Variants in CHMP1B observed in about 807,000 individuals in gnomAD.
CHMP1B encodes the protein charged multivesicular body protein 1B.
In CHMP1B, 5 loss-of-function variants were observed where a neutral mutation model predicts 11.5. The ratio of observed to expected loss-of-function variants is 0.43; its 90% confidence interval spans 0.23 to 0.91. The LOEUF is 0.91. Ranked by LOEUF, CHMP1B falls within the 40% of genes least tolerant of loss-of-function variation. CHMP1B has a pLI of 0.25. For synonymous variants in CHMP1B, 105 were observed against 105.7 expected (o/e 0.99, Z 0.04); for missense variants, 246 against 261.2 (o/e 0.94, Z 0.40).
At position 11,851,958 on chromosome 18, in the gene CHMP1B, G is replaced by A. The variant is rs777437772; in HGVS notation, c.447G>A (p.Val149=). The change falls in exon 1 of 1, where the codon GTG becomes GTA. Residue 149 remains valine, a synonymous_variant. Coordinates refer to ENST00000526991, the MANE Select transcript of CHMP1B (RefSeq NM_020412.5). Reference sequence around the variant, plus strand: ...CGCTCACCACTCCCCAGAACCAAGTGGATATGCTGCTCCAGGAAATGGCAG... The same window carrying A: ...CGCTCACCACTCCCCAGAACCAAGTAGATATGCTGCTCCAGGAAATGGCAG... ...TTTLTTPQNQ[V]DMLLQEMADE... The A allele has an allele frequency of 1.4e-5, 22 of 1,613,952 alleles. No individual in the cohort carries two copies. In the South Asian group the frequency reaches 2.1e-4, roughly 15 times the overall value.
At position 11,854,278 on chromosome 18, in the gene CHMP1B, C is replaced by G. The variant is rs1293283862; in HGVS notation, c.*2167C>G. ...TAAACAATGCTTGTATATGCTTGAACTTTCTTAAAATATGTCCATGTCATA... is the reference window on the plus strand; with the variant it reads ...TAAACAATGCTTGTATATGCTTGAAGTTTCTTAAAATATGTCCATGTCATA... On this transcript the variant is annotated 3_prime_UTR_variant, in exon 1 of 1. Coordinates refer to ENST00000526991, the MANE Select transcript of CHMP1B (RefSeq NM_020412.5). 1 of 167,052 alleles carries G rather than the reference C, an allele frequency of 6.0e-6. No individual in the cohort carries two copies. The highest frequency in any genetic ancestry group is 1.5e-5 in the Non-Finnish European group (1 of 68,112). 10.3% of individuals were successfully genotyped at this position (167,052 alleles called of 1,614,324 possible). A position where few individuals can be genotyped will look rare whatever the true frequency, so the allele number is the denominator to read the frequency against.
chr18:11,851,866 G>A lies in CHMP1B; in HGVS notation c.355G>A (p.Glu119Lys), dbSNP rs776188158. Residue 119 changes from glutamate to lysine, a missense_variant, in exon 1 of 1, where the codon GAG becomes AAG. Glu to Lys is a moderately conservative substitution (Grantham distance 56). Coordinates refer to ENST00000526991, the MANE Select transcript of CHMP1B (RefSeq NM_020412.5). ...EKISALMDKF[E>K]HQFETLDVQT... ...GATTTCTGCTTTGATGGACAAATTCGAGCACCAGTTTGAGACTCTGGACGT... is the reference window on the plus strand; with the variant it reads ...GATTTCTGCTTTGATGGACAAATTCAAGCACCAGTTTGAGACTCTGGACGT... 1.2e-6 allele frequency: 2 copies of A among 1,613,924 alleles called. No homozygotes were observed. The highest frequency in any genetic ancestry group is 1.7e-6 in the Non-Finnish European group (2 of 1,179,892).
rs2035922775 is a variant in CHMP1B, at chr18:11,853,218, A to G, written c.*1107A>G. The stretch of plus-strand genomic sequence containing the variant: ...CTGGAATGTTTTACTTAGCCATGCA[A>G]GTCATTTATGTATACATCCAGCCAG... On this transcript the variant is annotated 3_prime_UTR_variant, in exon 1 of 1. Coordinates refer to ENST00000526991, the MANE Select transcript of CHMP1B (RefSeq NM_020412.5). The G allele has an allele frequency of 1.8e-5, 3 of 167,146 alleles. No individual in the cohort carries two copies. The South Asian group carries it at 6.2e-4, about 35-fold the overall frequency. The allele number at this position is 167,146 out of a possible 1,614,324, so 10.4% of individuals were successfully genotyped here.
rs985242164 is a variant in CHMP1B at position 11,852,983 on chromosome 18, A to G, written c.*872A>G. 2.4e-5 allele frequency: 4 copies of G among 167,108 alleles called. No individual in the cohort carries two copies. Among genetic ancestry groups the G allele is most frequent in the Non-Finnish European group, 5.9e-5 (4 of 68,130 alleles). The allele number at this position is 167,108 out of a possible 1,614,324, so 10.4% of individuals were successfully genotyped here. ...ATTAGAAGTCTTATAAATTATGCTA[A>G]TTAGCATGGCAGTCATGTTACACAC... On this transcript the variant is annotated 3_prime_UTR_variant, in exon 1 of 1. Transcript: ENST00000526991.
chr18:11,851,667 C>T lies in CHMP1B; in HGVS notation c.156C>T (p.Ala52=). The change falls in exon 1 of 1, where the codon GCC becomes GCT. Residue 52 remains alanine (A), a synonymous_variant. Transcript: ENST00000526991. ...ACATGGAAGTTGCGAGGATACACGC[C>T]GAAAATGCCATCCGCCAGAAGAACC... ...KGNMEVARIH[A]ENAIRQKNQA... is the part of the protein sequence containing the mutation. The T allele has an allele frequency of 6.2e-7, 1 of 1,613,948 alleles. No homozygotes were observed.
At position 11,851,601 on chromosome 18, in the gene CHMP1B, G is replaced by C. The variant is rs1298225930; in HGVS notation, c.90G>C (p.Lys30Asn). 6 of 1,613,484 alleles carry C rather than the reference G, an allele frequency of 3.7e-6. No homozygotes were observed. Among genetic ancestry groups the C allele is most frequent in the Non-Finnish European group, 5.1e-6 (6 of 1,179,680 alleles). ...RSAKKCDKEE[K>N]AEKAKIKKAI... ...CCAAAAAATGCGATAAGGAGGAAAA[G>C]GCCGAAAAGGCCAAAATTAAAAAGG... Residue 30 changes from lysine (K) to asparagine (N), a missense_variant, in exon 1 of 1, where the codon AAG becomes AAC. Physicochemically the swap from Lys to Asn is moderately conservative, Grantham distance 94 (BLOSUM62 0). Coordinates refer to ENST00000526991, the MANE Select transcript of CHMP1B (RefSeq NM_020412.5).
In CHMP1B at chr18:11,851,903, A is replaced by G. The variant is rs769482223; in HGVS notation, c.392A>G (p.Gln131Arg). The G allele has an allele frequency of 6.2e-7, 1 of 1,613,914 alleles. No individual in the cohort carries two copies. Among genetic ancestry groups the G allele is most frequent in the Non-Finnish European group, 8.5e-7 (1 of 1,179,888 alleles). ...GAGACTCTGGACGTCCAGACGCAGC[A>G]AATGGAAGACACGATGAGCAGCACG... ...QFETLDVQTQQMEDTMSSTTT... is the reference protein window; with the variant it reads ...QFETLDVQTQRMEDTMSSTTT... The change falls in exon 1 of 1, where the codon CAA (glutamine) becomes CGA (arginine). Residue 131 changes from glutamine to arginine, a missense_variant. Physicochemically the swap from Gln to Arg is conservative, Grantham distance 43 (BLOSUM62 1). Coordinates refer to ENST00000526991, the MANE Select transcript of CHMP1B (RefSeq NM_020412.5).
chr18:11,852,088 G>A lies in CHMP1B; in HGVS notation c.577G>A (p.Ala193Thr). ...AEQDELSQRL[A>T]RLRDQV ...GCAGGATGAACTGTCTCAGAGACTG[G>A]CCCGCCTTCGGGATCAAGTGTGACG... The change falls in exon 1 of 1, where the codon GCC becomes ACC. Residue 193 changes from alanine (A) to threonine (T), a missense_variant. Coordinates refer to ENST00000526991, the MANE Select transcript of CHMP1B (RefSeq NM_020412.5). 6.2e-7 allele frequency: 1 copy of A among 1,605,472 alleles called. No homozygotes were observed.
In CHMP1B at chr18:11,851,600, A is replaced by C; in HGVS notation, c.89A>C (p.Lys30Thr). The change falls in exon 1 of 1, where the codon AAG (lysine) becomes ACG (threonine). Residue 30 changes from lysine (K) to threonine (T), a missense_variant. Coordinates refer to ENST00000526991, the MANE Select transcript of CHMP1B (RefSeq NM_020412.5). ...GCCAAAAAATGCGATAAGGAGGAAA[A>C]GGCCGAAAAGGCCAAAATTAAAAAG... ...RSAKKCDKEE[K>T]AEKAKIKKAI... 6.2e-7 allele frequency: 1 copy of C among 1,613,478 alleles called. No homozygotes were observed. Among genetic ancestry groups the C allele is most frequent in the South Asian group, 1.1e-5 (1 of 91,042 alleles).
At position 11,852,000 on chromosome 18, in the gene CHMP1B, C is replaced by G; in HGVS notation, c.489C>G (p.Asp163Glu). The G allele has an allele frequency of 3.7e-6, 6 of 1,613,652 alleles. No individual in the cohort carries two copies. Among genetic ancestry groups the G allele is most frequent in the Non-Finnish European group, 5.1e-6 (6 of 1,179,840 alleles). ...LQEMADEAGL[D>E]LNMELPQGQT... The stretch of plus-strand genomic sequence containing the variant: ...AAATGGCAGATGAGGCGGGCCTCGA[C>G]CTCAACATGGAGCTGCCGCAGGGCC... The change falls in exon 1 of 1, where the codon GAC (aspartate) becomes GAG (glutamate). Residue 163 changes from aspartate to glutamate, a missense_variant. Transcript: ENST00000526991.
At position 11,851,457 on chromosome 18, in the gene CHMP1B, T is replaced by C; in HGVS notation, c.-55T>C. 6.8e-7 allele frequency: 1 copy of C among 1,475,414 alleles called. No homozygotes were observed. Among genetic ancestry groups the C allele is most frequent in the Non-Finnish European group, 8.9e-7 (1 of 1,119,134 alleles). The allele number at this position is 1,475,414 out of a possible 1,614,324, so 91.4% of individuals were successfully genotyped here. On this transcript the variant is annotated 5_prime_UTR_variant, in exon 1 of 1. Transcript: ENST00000526991. ...CCGGGAGCGGACTTACCTTACCTTC[T>C]CTGCCTTCGGCGCGCTTCTCAGCCG...
chr18:11,853,261 A>G lies in CHMP1B; in HGVS notation c.*1150A>G, dbSNP rs1312462928. The G allele has an allele frequency of 6.0e-6, 1 of 167,154 alleles. No homozygotes were observed. The highest frequency in any genetic ancestry group is 1.9e-4 in the East Asian group (1 of 5,208). 10.4% of individuals were successfully genotyped at this position (167,154 alleles called of 1,614,324 possible). On this transcript the variant is annotated 3_prime_UTR_variant, in exon 1 of 1. Coordinates refer to ENST00000526991, the MANE Select transcript of CHMP1B (RefSeq NM_020412.5). ...CCAGCCAGCTGGAAATCTGAGAAGT[A>G]AAGAGGTAGGACTGGAAGGAAGGAG...
At position 11,853,857 on chromosome 18, in the gene CHMP1B, C is replaced by G. The variant is rs1270949278; in HGVS notation, c.*1746C>G. ...TTTATTTTTGAGACAGAGTCTCGCT[C>G]TGTTGCCCAGGCTGGAGTGCTGTGG... On this transcript the variant is annotated 3_prime_UTR_variant, in exon 1 of 1. Coordinates refer to ENST00000526991, the MANE Select transcript of CHMP1B (RefSeq NM_020412.5). 1 of 167,104 alleles carries G rather than the reference C, an allele frequency of 6.0e-6. No homozygotes were observed. The highest frequency in any genetic ancestry group is 1.5e-5 in the Non-Finnish European group (1 of 68,228). The allele number at this position is 167,104 out of a possible 1,614,324, so 10.4% of individuals were successfully genotyped here.
chr18:11,852,275 T>A lies in CHMP1B; in HGVS notation c.*164T>A. ...CCTCCACATAAATTAAGAAATTCAG[T>A]ATTTCTGCACTCTTAGCTGGATTCT... On this transcript the variant is annotated 3_prime_UTR_variant, in exon 1 of 1. Coordinates refer to ENST00000526991, the MANE Select transcript of CHMP1B (RefSeq NM_020412.5). 2.5e-6 allele frequency: 2 copies of A among 813,288 alleles called. No individual in the cohort carries two copies. Among genetic ancestry groups the A allele is most frequent in the Non-Finnish European group, 3.8e-6 (2 of 522,964 alleles). 50.4% of individuals were successfully genotyped at this position (813,288 alleles called of 1,614,324 possible).
rs1338330459 is a variant in CHMP1B at position 11,851,571 on chromosome 18, G to A, written c.60G>A (p.Arg20=). The A allele has an allele frequency of 6.2e-7, 1 of 1,612,442 alleles. No homozygotes were observed. Among genetic ancestry groups the A allele is most frequent in the African/African-American group, 1.3e-5 (1 of 74,996 alleles). ...AGTTCGCGGCCAAAGAACTGAGTAG[G>A]AGTGCCAAAAAATGCGATAAGGAGG... ...NLKFAAKELS[R]SAKKCDKEEK... is the part of the protein sequence containing the mutation. Residue 20 remains arginine, a synonymous_variant, in exon 1 of 1, where the codon AGG becomes AGA. Transcript: ENST00000526991.
In CHMP1B at chr18:11,852,073, C is replaced by G. The variant is rs1296713863; in HGVS notation, c.562C>G (p.Leu188Val). ...CGTGGCTTCGGCGGAGCAGGATGAA[C>G]TGTCTCAGAGACTGGCCCGCCTTCG... ...TSVASAEQDELSQRLARLRDQ... is the reference protein window; with the variant it reads ...TSVASAEQDEVSQRLARLRDQ... Residue 188 changes from leucine to valine, a missense_variant, in exon 1 of 1, where the codon CTG becomes GTG. Transcript: ENST00000526991. 6.2e-7 allele frequency: 1 copy of G among 1,612,200 alleles called. No individual in the cohort carries two copies. The highest frequency in any genetic ancestry group is 1.3e-5 in the African/African-American group (1 of 75,026).
Position 11,851,721 on chromosome 18 carries a change from G to C in CHMP1B, c.210G>C (p.Ala70=), listed in dbSNP as rs2035874067. The change falls in exon 1 of 1, where the codon GCG becomes GCC. Residue 70 remains alanine (A), a synonymous_variant. Transcript: ENST00000526991. ...NQAVNFLRMS[A]RVDAVAARVQ... Reference sequence around the variant, plus strand: ...CGGTGAATTTCTTGAGAATGAGTGCGCGAGTCGATGCAGTGGCTGCCAGGG... The same window carrying C: ...CGGTGAATTTCTTGAGAATGAGTGCCCGAGTCGATGCAGTGGCTGCCAGGG... 1 of 1,613,914 alleles carries C rather than the reference G, an allele frequency of 6.2e-7. No homozygotes were observed. Among genetic ancestry groups the C allele is most frequent in the Non-Finnish European group, 8.5e-7 (1 of 1,179,894 alleles).
rs1007276917 is a variant in CHMP1B at position 11,851,461 on chromosome 18, C to T, written c.-51C>T. The T allele has an allele frequency of 1.3e-5, 19 of 1,479,298 alleles. No homozygotes were observed. In the Admixed American group the frequency reaches 1.3e-4, roughly 10 times the overall value. 91.6% of individuals were successfully genotyped at this position (1,479,298 alleles called of 1,614,324 possible). The stretch of plus-strand genomic sequence containing the variant: ...GAGCGGACTTACCTTACCTTCTCTG[C>T]CTTCGGCGCGCTTCTCAGCCGGGCC... On this transcript the variant is annotated 5_prime_UTR_variant, in exon 1 of 1. Coordinates refer to ENST00000526991, the MANE Select transcript of CHMP1B (RefSeq NM_020412.5).
rs1180925816 is a variant in CHMP1B, at chr18:11,854,252, T to C, written c.*2141T>C. 1 of 167,160 alleles carries C rather than the reference T, an allele frequency of 6.0e-6. No individual in the cohort carries two copies. Among genetic ancestry groups the C allele is most frequent in the Admixed American group, 6.5e-5 (1 of 15,292 alleles). 10.4% of individuals were successfully genotyped at this position (167,160 alleles called of 1,614,324 possible). On this transcript the variant is annotated 3_prime_UTR_variant, in exon 1 of 1. Transcript: ENST00000526991. Reference sequence around the variant, plus strand: ...AACAAAATTAATATATTTTGTGAGATTAAACAATGCTTGTATATGCTTGAA... The same window carrying C: ...AACAAAATTAATATATTTTGTGAGACTAAACAATGCTTGTATATGCTTGAA...
Sources: allele counts gnomAD v4.1 joint callset, GRCh38; gene constraint gnomAD v4.1.1; transcripts MANE v1.5; gene names NCBI Gene and HGNC (gene_info 2026-07-23, HGNC 2026-07-21).